The following METTL8 variants were observed in gnomAD, a reference collection of about 807,000 sequenced individuals.
METTL8 encodes the protein methyltransferase 8, tRNA N3-cytidine.
Under a neutral mutation model 48.7 loss-of-function variants are expected in METTL8, and 32 were observed. The ratio of observed to expected loss-of-function variants is 0.66; its 90% confidence interval spans 0.50 to 0.88. The LOEUF is 0.88. Ranked by LOEUF, METTL8 falls within the 40% of genes least tolerant of loss-of-function variation. The pLI is 0.00. For synonymous variants in METTL8, 136 were observed against 157.1 expected (o/e 0.87, Z 1.01); for missense variants, 464 against 474.4 (o/e 0.98, Z 0.20).
chr2:171,405,309 T>C (rs1690064564), intron 1 of METTL8, among the ~76,000 whole-genome samples: 1 of 151,590 alleles, frequency 6.6e-6, no homozygotes, highest in Non-Finnish European at 1.5e-5. Context: ...GAAAAAAAAA[T>C]AGGGCAGATG....
At chr2:171,356,952 A>ATGTTTTTTTTTTTT in intron 3 of METTL8, among the ~76,000 whole-genome samples, 2,848 of 78,366 alleles carry the variant, frequency 0.036, 1,003 homozygotes, top group Middle Eastern at 0.12. Flanking sequence ...CAAAGACAAT[A>ATGTTTTTTTTTTTT]TTTTTTTTTT....
chr2:171,347,798 A>G (rs190711161), intron 3 of METTL8, among the ~76,000 whole-genome samples: 2 of 152,356 alleles, frequency 1.3e-5, no homozygotes, highest in Non-Finnish European at 2.9e-5. Flanking sequence ...ATTTGTAAGC[A>G]GTACTGCCAC....
At chr2:171,403,622 G>A (rs1369308866) in intron 1 of METTL8, among the ~76,000 whole-genome samples, 18 of 152,126 alleles carry the variant, frequency 1.2e-4, no homozygotes, top group Admixed American at 8.5e-4. Flanking sequence ...TTCATTAACT[G>A]TAACAAATGT....
rs751004894 is a variant in METTL8 at position 171,339,444 on chromosome 2, G to C, written c.346C>G (p.Pro116Ala). Residue 116 changes from proline to alanine, a missense_variant, in exon 4 of 10, where the codon CCA (proline) becomes GCA (alanine). Pro to Ala is a conservative substitution (Grantham distance 27). Coordinates refer to ENST00000375258, the MANE Select transcript of METTL8 (RefSeq NM_001321154.2). ...TTCTCTTCAGGTTTTTGATCAACTG[G>C]AAGAATTTCAGGAAATTCCCTCAAC... ...WLLREFPEIL[P>A]VDQKPEEKAR... The C allele has an allele frequency of 6.2e-7, 1 of 1,613,334 alleles. No individual in the cohort carries two copies. The highest frequency in any genetic ancestry group is 8.5e-7 in the Non-Finnish European group (1 of 1,179,584).
In METTL8 at chr2:171,339,561, T is replaced by TA. The variant is rs1480278102; in HGVS notation, c.236-8dup. On this transcript the variant is annotated splice_polypyrimidine_tract_variant and splice_region_variant and intron_variant, in intron 3 of 9. Coordinates refer to ENST00000375258, the MANE Select transcript of METTL8 (RefSeq NM_001321154.2). ...GCTTCTCTCTCATACTTAACTAAAA[T>TA]AAAGAGGAAAAAGAAAGATTTATTT... 2.1e-6 allele frequency: 3 copies of TA among 1,419,710 alleles called. No individual in the cohort carries two copies. The highest frequency in any genetic ancestry group is 2.9e-6 in the Non-Finnish European group (3 of 1,040,558). 87.9% of individuals were successfully genotyped at this position (1,419,710 alleles called of 1,614,324 possible). A position where few individuals can be genotyped will look rare whatever the true frequency, so the allele number is the denominator to read the frequency against.
At chr2:171,391,768 A>G (rs938445529) in intron 2 of METTL8, among the ~76,000 whole-genome samples, 11 of 152,196 alleles carry the variant, frequency 7.2e-5, no homozygotes, top group Admixed American at 5.2e-4. Context: ...ACCCAGTGAC[A>G]GCAGGCAAAT....
In METTL8 at chr2:171,384,559, G is replaced by A. The variant is rs530797351; in HGVS notation, c.143+7484C>T. ...AAAATGAAAGACTAGACCAACTGTGGTAGCTCATTCCTGTAATCTCAGCAC... is the reference window on the plus strand; with the variant it reads ...AAAATGAAAGACTAGACCAACTGTGATAGCTCATTCCTGTAATCTCAGCAC... On this transcript the variant is annotated intron_variant, in intron 2 of 9. Transcript: ENST00000375258. Among the ~76,000 whole-genome samples the A allele has an allele frequency of 2.6e-5, 4 of 151,838 alleles. No individual in the cohort carries two copies. The East Asian group carries it at 5.8e-4, about 22-fold the overall frequency.
In METTL8 at chr2:171,395,490, A is replaced by C. The variant is rs375562770; in HGVS notation, c.-12-3293T>G. On this transcript the variant is annotated intron_variant, in intron 1 of 9. Transcript: ENST00000375258. ...ACTTTAAATATAAAGAAACAAATAGATTAACGTAAAAAAAGGTATACTATG... is the reference window on the plus strand; with the variant it reads ...ACTTTAAATATAAAGAAACAAATAGCTTAACGTAAAAAAAGGTATACTATG... Among the ~76,000 whole-genome samples, 46 of 152,318 alleles carry C rather than the reference A, an allele frequency of 3.0e-4. 1 individual carries two copies. In the East Asian group the frequency reaches 4.0e-3, roughly 13 times the overall value.
chr2:171,341,995 C>A (rs1044754735), intron 3 of METTL8, among the ~76,000 whole-genome samples: 1 of 151,972 alleles, frequency 6.6e-6, no homozygotes, highest in African/African-American at 2.4e-5. Context: ...GAATTTTGAT[C>A]CATGTGAATT....
chr2:171,326,111 T>G lies in METTL8; in HGVS notation c.898A>C (p.Lys300Gln). The part of the protein sequence containing the change: ...GVVNRLSKLL[K>Q]PGGMLLFRDY... The stretch of plus-strand genomic sequence containing the variant: ...CGAAATAACAGCATTCCCCCAGGTT[T>G]CAGTAACTTGGACAGTCGGTTTACA... The change falls in exon 8 of 10, where the codon AAA (lysine) becomes CAA (glutamine). Residue 300 changes from lysine to glutamine, a missense_variant. By Grantham distance (53) the Lys-to-Gln change is moderately conservative (BLOSUM62 1). Transcript: ENST00000375258. The G allele has an allele frequency of 6.5e-7, 1 of 1,549,280 alleles. No homozygotes were observed. Among genetic ancestry groups the G allele is most frequent in the East Asian group, 2.4e-5 (1 of 40,858 alleles).
chr2:171,348,534 C>A (rs1200827885), intron 3 of METTL8, among the ~76,000 whole-genome samples: 2 of 152,064 alleles, frequency 1.3e-5, no homozygotes, highest in Non-Finnish European at 2.9e-5. Flanking sequence ...AAAATGATAA[C>A]CAGAACCAAG....
intron 5 of METTL8, among the ~76,000 whole-genome samples, chr2:171,336,863 CTTTTTTTTTTTTT>C (rs71013037): frequency 2.3e-5 from 2 of 88,114 alleles, no homozygotes; most frequent in African/African-American, 4.5e-5. Flanking sequence ...ATCACTTCCT[CTTTTTTTTTTTTT>C]TTTTTTTTTT....
chr2:171,356,952 A>ATGGTTTTTTTTTTTTTT lies in METTL8; in HGVS notation c.235+3469_235+3470insAAAAAAAAAAAAAACCA. Among the ~76,000 whole-genome samples, 2 of 78,468 alleles carry ATGGTTTTTTTTTTTTTT rather than the reference A, an allele frequency of 2.5e-5. 1 individual carries two copies. Among genetic ancestry groups the ATGGTTTTTTTTTTTTTT allele is most frequent in the African/African-American group, 8.9e-5 (2 of 22,448 alleles). The allele number at this position is 78,468 out of a possible 152,430, so 51.5% of individuals were successfully genotyped here. On this transcript the variant is annotated intron_variant, in intron 3 of 9. Transcript: ENST00000375258. ...CAAATTAGCCTTGTTCAAAGACAAT[A>ATGGTTTTTTTTTTTTTT]TTTTTTTTTTTTTTTTTGAGACAGG...
chr2:171,421,103 TCA>T (rs1271770131), intron 1 of METTL8, among the ~76,000 whole-genome samples: 3 of 152,140 alleles, frequency 2.0e-5, no homozygotes, highest in Non-Finnish European at 4.4e-5. Context: ...TAACAAACTG[TCA>T]CAGTTTCCTA....
intron 2 of METTL8, among the ~76,000 whole-genome samples, chr2:171,379,679 A>G (rs953416491): frequency 2.0e-5 from 3 of 152,228 alleles, no homozygotes; most frequent in African/African-American, 7.2e-5. Flanking sequence ...CTGGACACGT[A>G]CACCCTCCCA....
chr2:171,342,170 A>G (rs1483589596), intron 3 of METTL8, among the ~76,000 whole-genome samples: 1 of 152,162 alleles, frequency 6.6e-6, no homozygotes, highest in East Asian at 1.9e-4. Flanking sequence ...TCTTCTTTCC[A>G]ATTTTATCTT....
intron 1 of METTL8, among the ~76,000 whole-genome samples, chr2:171,405,905 G>C (rs1389019663): frequency 6.6e-6 from 1 of 152,060 alleles, no homozygotes; most frequent in Non-Finnish European, 1.5e-5. Context: ...GTAAGGTAGG[G>C]GGCATGAGAA....
intron 3 of METTL8, among the ~76,000 whole-genome samples, chr2:171,352,805 A>G (rs9966278): frequency 1.3e-5 from 2 of 152,166 alleles, no homozygotes; most frequent in Non-Finnish European, 2.9e-5. Context: ...CTGTGGGATC[A>G]GTGGTGATAT....
At chr2:171,385,292 G>A (rs1687937248) in intron 2 of METTL8, among the ~76,000 whole-genome samples, 1 of 151,002 alleles carries the variant, frequency 6.6e-6, no homozygotes, top group Non-Finnish European at 1.5e-5. Context: ...AGCCATTATA[G>A]TGCCATTGTA....
Sources: gnomAD v4.1 joint callset for allele counts (sites outside exome capture counted in the v4.1 genomes callset) on GRCh38, gnomAD v4.1.1 for gene constraint, MANE v1.5 for transcripts, NCBI Gene and HGNC (gene_info 2026-07-23, HGNC 2026-07-21) for gene names.